Variants in PRSS38 observed in about 807,000 individuals in gnomAD.
The protein encoded by PRSS38 is marapsin 2.
A neutral mutation model predicts 26.8 loss-of-function variants in PRSS38; 22 were observed. That is an observed-to-expected ratio of 0.82 (90% CI 0.59 to 1.17). The LOEUF is 1.17. PRSS38 is among the 50% of genes most tolerant of loss of function. The pLI is 0.00. For synonymous variants in PRSS38, 175 were observed against 172.1 expected (o/e 1.02, Z -0.13); for missense variants, 427 against 422.7 (o/e 1.01, Z -0.09).
chr1:227,829,479 C>G (rs573791500), intron 3 of PRSS38, among the ~76,000 whole-genome samples: 10 of 152,180 alleles, frequency 6.6e-5, no homozygotes, highest in African/African-American at 2.4e-4. Flanking sequence ...TTGAGCACTC[C>G]CAAAGAAATT....
Position 227,816,259 on chromosome 1 carries a change from G to A in PRSS38, c.311+7G>A, listed in dbSNP as rs140891237. On this transcript the variant is annotated splice_region_variant and intron_variant, in intron 2 of 4. Transcript: ENST00000366757. This position sits in a 1 kb window ranked among gnomAD's most constrained non-coding sequence, Gnocchi z 5.1. ...CTGCGCACTGCTTTCACAGGTAAGC[G>A]GGCGCCGGCCTGGGATGGTGTGGGT... 2.0e-4 allele frequency: 325 copies of A among 1,608,310 alleles called. 1 individual carries two copies. In the African/African-American group the frequency reaches 3.5e-3, roughly 17 times the overall value.
chr1:227,817,112 C>T (rs556500626), intron 2 of PRSS38, 97 bp from the exon 3 acceptor site: 106 of 1,297,576 alleles, frequency 8.2e-5, no homozygotes, highest in African/African-American at 7.7e-4. Context: ...TCAATCCCAC[C>T]GAGTGAGTGC....
intron 3 of PRSS38, among the ~76,000 whole-genome samples, chr1:227,828,779 A>G (rs1054421130): frequency 1.3e-5 from 2 of 152,298 alleles, no homozygotes; most frequent in South Asian, 2.1e-4. Flanking sequence ...ATGTAGGGAC[A>G]GGTTTCCCAC....
chr1:227,828,087 G>A (rs1049024187), intron 3 of PRSS38, among the ~76,000 whole-genome samples: 3 of 152,104 alleles, frequency 2.0e-5, no homozygotes, highest in East Asian at 1.9e-4. Flanking sequence ...TTCTGCATTC[G>A]CTAAGGAGTG....
intron 1 of PRSS38, 91 bp from the exon 2 acceptor site, chr1:227,815,974 ATGTCCCCTGCCTTCCCTTCCTCCTG>A: frequency 1.7e-6 from 2 of 1,204,614 alleles, no homozygotes; most frequent in South Asian, 1.8e-5. Flanking sequence ...CCCCTCCCCC[ATGTCCCCTGCCTTCCCTTCCTCCTG>A]TGTCCCCTGC....
chr1:227,826,776 A>T lies in PRSS38; in HGVS notation c.583+9296A>T, dbSNP rs374162762. 1.1e-3 allele frequency among the ~76,000 whole-genome samples: 169 copies of T among 151,884 alleles called. 3 individuals carry two copies. In the South Asian group the frequency reaches 0.015, roughly 14 times the overall value. On this transcript the variant is annotated intron_variant, in intron 3 of 4. Transcript: ENST00000366757. ...CTTGTGACGGTTTTCAAGGGCAATG[A>T]CTGCCTCCAGCTTTTGCCCATTCAG...
intron 3 of PRSS38, among the ~76,000 whole-genome samples, chr1:227,829,165 AC>A (rs1177231252): frequency 6.6e-6 from 1 of 152,096 alleles, no homozygotes; most frequent in Admixed American, 6.5e-5. Context: ...GAATTCACTT[AC>A]CACTTTCATT....
At chr1:227,846,322 C>T (rs1048122555) in exon 5 of PRSS38, 1 of 1,352,432 alleles carries the variant, frequency 7.4e-7, no homozygotes, top group Admixed American at 2.1e-5. Flanking sequence ...CAAGGGCCAC[C>T]TATCCCGGGG....
intron 3 of PRSS38, among the ~76,000 whole-genome samples, chr1:227,831,603 G>A (rs1001418784): frequency 6.6e-6 from 1 of 152,126 alleles, no homozygotes; most frequent in Non-Finnish European, 1.5e-5. Context: ...GGCCAGGCGC[G>A]ATGGCTCACA....
chr1:227,833,983 G>C (rs1665200412), intron 3 of PRSS38, among the ~76,000 whole-genome samples: 1 of 152,190 alleles, frequency 6.6e-6, no homozygotes, highest in Non-Finnish European at 1.5e-5. Flanking sequence ...GAGGATGTTA[G>C]GGTGGGGCCT....
At chr1:227,835,129 A>T (rs1665220518) in intron 3 of PRSS38, among the ~76,000 whole-genome samples, 1 of 152,216 alleles carries the variant, frequency 6.6e-6, no homozygotes, top group Non-Finnish European at 1.5e-5. Flanking sequence ...GAACCCCAGC[A>T]TCCATTCATC....
chr1:227,835,994 T>C (rs1665233162), intron 3 of PRSS38, among the ~76,000 whole-genome samples: 2 of 152,254 alleles, frequency 1.3e-5, no homozygotes, highest in Non-Finnish European at 2.9e-5. Flanking sequence ...TCCCAGCACT[T>C]TGGGAGTCCG....
rs746180202 is a variant in PRSS38 at position 227,816,197 on chromosome 1, G to A, written c.256G>A (p.Gly86Ser). 18 of 1,613,530 alleles carry A rather than the reference G, an allele frequency of 1.1e-5. No individual in the cohort carries two copies. Among genetic ancestry groups the A allele is most frequent in the East Asian group, 8.9e-5 (4 of 44,884 alleles). Residue 86 changes from glycine (G) to serine (S), a missense_variant, in exon 2 of 5, where the codon GGC becomes AGC. Coordinates refer to ENST00000366757, the Ensembl canonical transcript of PRSS38. This position sits in a 1 kb window ranked among gnomAD's most constrained non-coding sequence, Gnocchi z 5.1. ...GCACTACGCAGGCCTCCACGTCTGC[G>A]GCGGCTCCATCCTCAATGAGTACTG...
chr1:227,835,195 G>A (rs562623680), intron 3 of PRSS38, among the ~76,000 whole-genome samples: 1 of 152,316 alleles, frequency 6.6e-6, no homozygotes, highest in African/African-American at 2.4e-5. Context: ...GCAAGGGCGT[G>A]GAGAAAGCAG....
At chr1:227,829,775 T>G (rs1306077658) in intron 3 of PRSS38, among the ~76,000 whole-genome samples, 1 of 152,224 alleles carries the variant, frequency 6.6e-6, no homozygotes, top group African/African-American at 2.4e-5. Context: ...CTTCTTACTT[T>G]CCAGTGTGGG....
intron 2 of PRSS38, 96 bp from the exon 3 acceptor site, chr1:227,817,113 G>A (rs1308885851): frequency 1.7e-5 from 22 of 1,304,432 alleles, no homozygotes; most frequent in Middle Eastern, 2.7e-4. Context: ...CAATCCCACC[G>A]AGTGAGTGCC....
chr1:227,845,725 C>G, intron 4 of PRSS38, 113 bp downstream of exon 4: 1 of 1,332,418 alleles, frequency 7.5e-7, no homozygotes, highest in Non-Finnish European at 1.0e-6. Context: ...AGCCATGCCC[C>G]AAGCTGAGCA....
intron 3 of PRSS38, among the ~76,000 whole-genome samples, chr1:227,844,971 ACTCCTCCCTGTGTAGTGGGG>A (rs1273353679): frequency 6.0e-5 from 4 of 66,758 alleles, no homozygotes; most frequent in African/African-American, 6.1e-5. Flanking sequence ...TGTGGTCAGG[ACTCCTCCCTGTGTAGTGGGG>A]CTCCTCCCTA....
At chr1:227,818,639 C>G (rs150031181) in intron 3 of PRSS38, among the ~76,000 whole-genome samples, 9 of 134,264 alleles carry the variant, frequency 6.7e-5, no homozygotes, top group African/African-American at 2.6e-4. Context: ...AACTGCATAT[C>G]TGCACCAAAG....
Sources: gnomAD v4.1 joint callset for allele counts (sites outside exome capture counted in the v4.1 genomes callset) on GRCh38, gnomAD v4.1.1 for gene constraint, Gnocchi (gnomAD v3.1) non-coding constraint, MANE v1.5 for transcripts, NCBI Gene and HGNC (gene_info 2026-07-23, HGNC 2026-07-21) for gene names.